The following ROBO2 variants were observed in gnomAD, a reference collection of about 807,000 sequenced individuals.
ROBO2 encodes roundabout homolog 2.
A neutral mutation model predicts 160.8 loss-of-function variants in ROBO2; 53 were observed. The observed-to-expected ratio is 0.33, with a 90% CI of 0.26 to 0.41. The LOEUF is 0.41. Ranked by LOEUF, ROBO2 falls within the 10% of genes least tolerant of loss-of-function variation. The pLI, the probability that ROBO2 is intolerant of heterozygous loss-of-function variation, is 1.00. For missense variants in ROBO2, 1,577 were observed against 1,722.4 expected (o/e 0.92, Z 1.49); for synonymous variants, 664 against 611.7 (o/e 1.09, Z -1.26).
At chr3:77,175,741 A>G (rs373638259) in intron 2 of ROBO2, among the ~76,000 whole-genome samples, 4 of 152,094 alleles carry the variant, frequency 2.6e-5, no homozygotes, top group Non-Finnish European at 4.4e-5. Flanking sequence ...TGACTCCAAG[A>G]TTTTAAATCA....
intron 2 of ROBO2, among the ~76,000 whole-genome samples, chr3:77,446,738 T>C (rs1370338061): frequency 1.3e-5 from 2 of 152,032 alleles, no homozygotes; most frequent in Non-Finnish European, 2.9e-5. Flanking sequence ...TCCACACCAA[T>C]ACACAAAACT....
chr3:77,324,890 A>C (rs1206920917), intron 2 of ROBO2, among the ~76,000 whole-genome samples: 2 of 152,166 alleles, frequency 1.3e-5, no homozygotes, highest in Non-Finnish European at 2.9e-5. Context: ...CAGAAATAGA[A>C]AAACTCTAAC....
intron 2 of ROBO2, among the ~76,000 whole-genome samples, chr3:76,469,562 C>T (rs999932244): frequency 6.6e-6 from 1 of 152,072 alleles, no homozygotes; most frequent in African/African-American, 2.4e-5. Flanking sequence ...CCCCACACCT[C>T]TCTCTTTGCA....
At chr3:77,289,740 A>G (rs2060942551) in intron 2 of ROBO2, among the ~76,000 whole-genome samples, 1 of 152,112 alleles carries the variant, frequency 6.6e-6, no homozygotes, top group East Asian at 1.9e-4. Context: ...AGCTGAGGCT[A>G]GATCACTGAA....
At chr3:76,953,820 ATGTGTGTG>A (rs112746282) in intron 2 of ROBO2, among the ~76,000 whole-genome samples, 1 of 149,312 alleles carries the variant, frequency 6.7e-6, no homozygotes, top group African/African-American at 2.4e-5. Flanking sequence ...TCCTTTTTAA[ATGTGTGTG>A]TGTGTGTGTG....
chr3:76,904,455 T>C (rs569748888), intron 2 of ROBO2, among the ~76,000 whole-genome samples: 8 of 152,296 alleles, frequency 5.3e-5, no homozygotes, highest in African/African-American at 1.7e-4. Context: ...TATTTTACTT[T>C]CATAATAATA....
chr3:76,278,602 G>A (rs893572801), intron 2 of ROBO2, among the ~76,000 whole-genome samples: 15 of 151,798 alleles, frequency 9.9e-5, no homozygotes, highest in African/African-American at 3.4e-4. Context: ...AGTTTGTCCC[G>A]GCATTTATTT....
At chr3:77,333,897 C>T (rs186333140) in intron 2 of ROBO2, among the ~76,000 whole-genome samples, 9 of 152,172 alleles carry the variant, frequency 5.9e-5, no homozygotes, top group Non-Finnish European at 8.8e-5. Flanking sequence ...TTAAAAAGGG[C>T]GAAGCAACAA....
rs373548896 is a variant in ROBO2, at chr3:76,176,863, T to G, written c.109+239261T>G. 1.9e-3 allele frequency among the ~76,000 whole-genome samples: 292 copies of G among 152,226 alleles called. 3 individuals carry two copies. The South Asian group carries it at 0.019, about 10-fold the overall frequency. ...TGTGTATGTCATTTCCGTTTTATAG[T>G]AGAACACTCAAGTGTAGAGAAGTTA... On this transcript the variant is annotated intron_variant, in intron 2 of 26. Coordinates refer to the ROBO2 transcript ENST00000487694.
At chr3:77,033,508 A>C (rs1357364744) in intron 2 of ROBO2, among the ~76,000 whole-genome samples, 1 of 152,162 alleles carries the variant, frequency 6.6e-6, no homozygotes, top group Admixed American at 6.5e-5. Context: ...TGTTTGGTAA[A>C]GAAGGGAGAA....
In ROBO2 at chr3:77,567,538, T is replaced by C. The variant is rs544001416; in HGVS notation, c.1850-775T>C. Among the ~76,000 whole-genome samples, 99 of 152,132 alleles carry C rather than the reference T, an allele frequency of 6.5e-4. 1 individual carries two copies. Among genetic ancestry groups the C allele is most frequent in the African/African-American group, 2.4e-3 (98 of 41,528 alleles). On this transcript the variant is annotated intron_variant, in intron 12 of 25. Coordinates refer to ENST00000461745, the Ensembl canonical transcript of ROBO2. ...TAGGAGACTGATGAATAATGTGGCA[T>C]AACAATGTGTGACTGAGGGTATAAT...
intron 2 of ROBO2, among the ~76,000 whole-genome samples, chr3:76,240,741 A>T (rs766925520): frequency 2.6e-5 from 4 of 152,070 alleles, no homozygotes; most frequent in Non-Finnish European, 5.9e-5. Context: ...TATACAAGAG[A>T]TACTTATCAT....
intron 2 of ROBO2, among the ~76,000 whole-genome samples, chr3:76,818,743 C>T (rs543715558): frequency 1.3e-5 from 2 of 152,086 alleles, no homozygotes; most frequent in South Asian, 2.1e-4. Flanking sequence ...TCTTTGTTTG[C>T]TTTGTGAAAG....
At chr3:76,401,380 A>G (rs2077805997) in intron 2 of ROBO2, among the ~76,000 whole-genome samples, 1 of 151,566 alleles carries the variant, frequency 6.6e-6, no homozygotes, top group Admixed American at 6.6e-5. Context: ...TTGTGTTTAA[A>G]TCATTTTCCT....
chr3:76,327,001 C>G (rs915613961), intron 2 of ROBO2, among the ~76,000 whole-genome samples: 7 of 151,898 alleles, frequency 4.6e-5, no homozygotes, highest in African/African-American at 1.7e-4. Context: ...TTTTACTCAC[C>G]TTTAGATTAT....
chr3:76,479,880 C>T (rs2079119724), intron 2 of ROBO2, among the ~76,000 whole-genome samples: 1 of 152,106 alleles, frequency 6.6e-6, no homozygotes, highest in Non-Finnish European at 1.5e-5. Flanking sequence ...ATTAAGCAAC[C>T]ATACGGGCTC....
intron 2 of ROBO2, among the ~76,000 whole-genome samples, chr3:76,796,511 AGAAGGAAGGAAG>A (rs144512442): frequency 6.9e-6 from 1 of 144,522 alleles, no homozygotes; most frequent in African/African-American, 2.6e-5. Flanking sequence ...AAAGAAGGAA[AGAAGGAAGGAAG>A]GAAGGAAGGA....
At chr3:77,265,341 G>A (rs145305719) in intron 2 of ROBO2, among the ~76,000 whole-genome samples, 18 of 152,184 alleles carry the variant, frequency 1.2e-4, no homozygotes, top group East Asian at 3.9e-4. Flanking sequence ...TCCTTATTTC[G>A]TAAGGTGTAG....
At chr3:76,600,686 C>T (rs1024820848) in intron 2 of ROBO2, among the ~76,000 whole-genome samples, 5 of 152,172 alleles carry the variant, frequency 3.3e-5, no homozygotes, top group African/African-American at 4.8e-5. Context: ...TCCCACGACA[C>T]GTGGGAATTG....
Sources: gnomAD v4.1 joint callset for allele counts (sites outside exome capture counted in the v4.1 genomes callset) on GRCh38, gnomAD v4.1.1 for gene constraint, MANE v1.5 for transcripts, NCBI Gene and HGNC (gene_info 2026-07-23, HGNC 2026-07-21) for gene names.